PHEX: variants seen among roughly 807,000 people sequenced by gnomAD.
PHEX encodes the protein phosphate-regulating neutral endopeptidase PHEX.
PHEX carries 16 observed loss-of-function variants against 68.0 expected under a neutral mutation model. The ratio of observed to expected loss-of-function variants is 0.24; its 90% CI spans 0.16 to 0.36. The LOEUF is 0.36. Ranked by LOEUF, PHEX falls within the 10% of genes least tolerant of loss-of-function variation. The pLI, the probability that PHEX is intolerant of heterozygous loss-of-function variation, is 1.00. For missense variants in PHEX, 480 were observed against 575.5 expected (o/e 0.83, Z 1.70); for synonymous variants, 208 against 205.1 (o/e 1.01, Z -0.12).
chrX:22,196,430 C>T (rs762817146), intron 15 of PHEX, among the ~76,000 whole-genome samples: 1 of 111,959 alleles, frequency 8.9e-6, no homozygotes, highest in East Asian at 2.8e-4. Flanking sequence ...TGCAATTTCT[C>T]AACTCTGCCA....
rs1372075082 is a variant in PHEX, at chrX:22,036,851, A to G, written c.119-1618A>G. On this transcript the variant is annotated intron_variant, in intron 1 of 21. Coordinates refer to ENST00000379374, the MANE Select transcript of PHEX (RefSeq NM_000444.6). Reference sequence around the variant, plus strand: ...AGTGGCTCACACCTGTAATCCCAGCACTTTGGGAGGTCGAGGCGGGCGGAT... The same window carrying G: ...AGTGGCTCACACCTGTAATCCCAGCGCTTTGGGAGGTCGAGGCGGGCGGAT... Among the ~76,000 whole-genome samples, 3 of 109,367 alleles carry G rather than the reference A, an allele frequency of 2.7e-5. No homozygotes were observed. The East Asian group carries it at 8.6e-4, about 31-fold the overall frequency. 95.0% of individuals were successfully genotyped at this position (109,367 alleles called of 115,157 possible).
chrX:22,246,448 A>C (rs1376503723), intron 21 of PHEX, among the ~76,000 whole-genome samples: 4 of 111,804 alleles, frequency 3.6e-5, no homozygotes, highest in Non-Finnish European at 7.5e-5. Flanking sequence ...AATTGACTAT[A>C]AATTACCCAC....
In PHEX at chrX:22,090,439, C is replaced by T. The variant is rs1569386607; in HGVS notation, c.674C>T (p.Ala225Val). The change falls in exon 6 of 22, where the codon GCA becomes GTA. Residue 225 changes from alanine (A) to valine (V), a missense_variant. Coordinates refer to ENST00000379374, the MANE Select transcript of PHEX (RefSeq NM_000444.6). Reference sequence around the variant, plus strand: ...TTTTTGTTTTTACAGCTGGACCAAGCAACACTCTCCCTGGCCGTGAGGGAA... The same window carrying T: ...TTTTTGTTTTTACAGCTGGACCAAGTAACACTCTCCCTGGCCGTGAGGGAA... Reference protein sequence around the residue: ...SNEHILKLDQATLSLAVREDY... With the variant: ...SNEHILKLDQVTLSLAVREDY... 2 of 1,208,167 alleles carry T rather than the reference C, an allele frequency of 1.7e-6. No homozygotes were observed. The highest frequency in any genetic ancestry group is 1.7e-5 in the African/African-American group (1 of 57,712).
At chrX:22,142,524 T>C (rs937943749) in intron 12 of PHEX, among the ~76,000 whole-genome samples, 5 of 112,219 alleles carry the variant, frequency 4.5e-5, no homozygotes, top group Admixed American at 1.9e-4. Context: ...GTTTGTTTTT[T>C]AGTTTTATTA....
chrX:22,186,451 A>G (rs1327524185), intron 14 of PHEX, among the ~76,000 whole-genome samples: 2 of 112,817 alleles, frequency 1.8e-5, no homozygotes, highest in Non-Finnish European at 3.7e-5. Flanking sequence ...GTTCACAAAC[A>G]CATATTAAAA....
At chrX:22,192,531 C>T (rs149501103) in intron 15 of PHEX, among the ~76,000 whole-genome samples, 5 of 111,601 alleles carry the variant, frequency 4.5e-5, no homozygotes, top group Non-Finnish European at 9.4e-5. Flanking sequence ...TCTGCCTGTA[C>T]CTCCTGCTAC....
At chrX:22,169,803 C>T (rs1353057151) in intron 13 of PHEX, 1 of 112,699 alleles carries the variant, frequency 8.9e-6, no homozygotes, top group East Asian at 2.8e-4. Context: ...CTAGTTATTT[C>T]ATCCTGTGTA....
rs764136016 is a variant in PHEX at position 22,178,242 on chromosome X, G to A, written c.1483-31G>A. 24 of 968,074 alleles carry A rather than the reference G, an allele frequency of 2.5e-5. No homozygotes were observed. The South Asian group carries it at 3.9e-4, about 16-fold the overall frequency. The allele number at this position is 968,074 out of a possible 1,213,427, so 79.8% of individuals were successfully genotyped here. On this transcript the variant is annotated intron_variant, in intron 13 of 21. Coordinates refer to ENST00000379374, the MANE Select transcript of PHEX (RefSeq NM_000444.6). The stretch of plus-strand genomic sequence containing the variant: ...TAGAGCCATCTTTTATCTTTACTTA[G>A]AACAATGATGTTGTGGTTTGTTTTA...
intron 16 of PHEX, among the ~76,000 whole-genome samples, chrX:22,214,615 C>G (rs1935027443): frequency 9.0e-6 from 1 of 111,615 alleles, no homozygotes; most frequent in Non-Finnish European, 1.9e-5. Flanking sequence ...TCCAACTCAC[C>G]TTCCATCATT....
At chrX:22,208,863 G>A (rs1039380645) in intron 15 of PHEX, among the ~76,000 whole-genome samples, 10 of 111,933 alleles carry the variant, frequency 8.9e-5, no homozygotes, top group African/African-American at 3.2e-4. Context: ...AAAAGGCCTC[G>A]GGGCTTTTGA....
chrX:22,078,943 A>G (rs2147022424), intron 5 of PHEX, among the ~76,000 whole-genome samples: 1 of 112,159 alleles, frequency 8.9e-6, no homozygotes, highest in South Asian at 3.7e-4. Context: ...CCATCTTCTA[A>G]TGCTATCAGG....
intron 15 of PHEX, among the ~76,000 whole-genome samples, chrX:22,195,205 T>C (rs1201573281): frequency 1.8e-5 from 2 of 112,009 alleles, no homozygotes; most frequent in African/African-American, 3.2e-5. Flanking sequence ...TATCTAAACC[T>C]GGCATGCCAG....
chrX:22,139,912 A>G (rs1932388250), intron 12 of PHEX, among the ~76,000 whole-genome samples: 1 of 111,070 alleles, frequency 9.0e-6, no homozygotes, highest in Non-Finnish European at 1.9e-5. Flanking sequence ...CTAGAGCCTC[A>G]TGTAAATGTC....
At chrX:22,175,606 C>G (rs1031979573) in intron 13 of PHEX, among the ~76,000 whole-genome samples, 1 of 111,885 alleles carries the variant, frequency 8.9e-6, no homozygotes, top group Non-Finnish European at 1.9e-5. Flanking sequence ...CAGCCTCGGC[C>G]TCCCAAAGTG....
At chrX:22,041,263 CTCTATATATATA>C (rs1273759217) in intron 2 of PHEX, among the ~76,000 whole-genome samples, 663 of 65,325 alleles carry the variant, frequency 0.01, 6 homozygotes, top group Non-Finnish European at 0.013. Flanking sequence ...CTCTCTCTCT[CTCTATATATATA>C]TATATATATA....
intron 14 of PHEX, among the ~76,000 whole-genome samples, chrX:22,185,756 G>GTTTTTTGTTTTTTTTTT (rs1207128506): frequency 3.4e-5 from 3 of 87,795 alleles, no homozygotes; most frequent in African/African-American, 5.0e-5. Context: ...CTCGTTTGTG[G>GTTTTTTGTTTTTTTTTT]TTTTTTTTTT....
intron 16 of PHEX, 149 bp downstream of exon 16, chrX:22,213,107 G>T: frequency 5.9e-6 from 3 of 510,031 alleles, no homozygotes; most frequent in South Asian, 2.7e-5. Flanking sequence ...ATCATTTTAG[G>T]TATTTGTTTT....
chrX:22,153,782 A>C (rs1012097881), intron 12 of PHEX, among the ~76,000 whole-genome samples: 1 of 112,215 alleles, frequency 8.9e-6, no homozygotes, highest in Non-Finnish European at 1.9e-5. Context: ...ATTAAACGGA[A>C]TATTACCCTG....
Position 22,223,075 on chromosome X carries a change from G to C in PHEX, c.1899+1332G>C, listed in dbSNP as rs752768093. Reference sequence around the variant, plus strand: ...AAATGTGTACCTTTGTCACAAGGACGATAGAAAGGGCATGCCTGTCTTAGC... The same window carrying C: ...AAATGTGTACCTTTGTCACAAGGACCATAGAAAGGGCATGCCTGTCTTAGC... On this transcript the variant is annotated intron_variant, in intron 18 of 21. Coordinates refer to ENST00000379374, the MANE Select transcript of PHEX (RefSeq NM_000444.6). Among the ~76,000 whole-genome samples the C allele has an allele frequency of 6.2e-5, 7 of 112,335 alleles. No homozygotes were observed. In the South Asian group the frequency reaches 2.2e-3, roughly 36 times the overall value.
Sources: allele counts gnomAD v4.1 joint callset (sites outside exome capture counted in the v4.1 genomes callset), GRCh38; gene constraint gnomAD v4.1.1; transcripts MANE v1.5; gene names NCBI Gene and HGNC (gene_info 2026-07-23, HGNC 2026-07-21).